Variants in NPLOC4 observed in about 807,000 individuals in gnomAD.
NPLOC4 encodes NPL4 homolog, ubiquitin recognition factor.
Under a neutral mutation model 80.6 loss-of-function variants are expected in NPLOC4, and 18 were observed. The observed-to-expected ratio is 0.22, with a 90% CI of 0.15 to 0.33. NPLOC4 has a LOEUF of 0.33. Ranked by LOEUF, NPLOC4 falls within the 10% of genes least tolerant of loss-of-function variation. NPLOC4 has a pLI of 1.00. For synonymous variants in NPLOC4, 313 were observed against 301.5 expected, an observed-to-expected ratio of 1.04 and a Z score of -0.39; for missense variants, 540 against 786.1, an observed-to-expected ratio of 0.69 and a Z score of 3.74.
chr17:81,623,662 G>A (rs1207167329), intron 2 of NPLOC4, among the ~76,000 whole-genome samples: 1 of 151,806 alleles, frequency 6.6e-6, no homozygotes, highest in Non-Finnish European at 1.5e-5. Flanking sequence ...GCCGGGCGTG[G>A]TGGTGGGCGC....
chr17:81,631,092 G>A (rs1205833473), intron 1 of NPLOC4, among the ~76,000 whole-genome samples: 2 of 151,688 alleles, frequency 1.3e-5, no homozygotes, highest in Non-Finnish European at 2.9e-5. Context: ...AGAATCGCTT[G>A]AACCCAGGAG....
rs1249141930 is a variant in NPLOC4 at position 81,619,333 on chromosome 17, C to T, written c.209+2833G>A. Among the ~76,000 whole-genome samples the T allele has an allele frequency of 5.3e-5, 8 of 150,914 alleles. No homozygotes were observed. In the South Asian group the frequency reaches 1.0e-3, roughly 20 times the overall value. ...TGGAGCTTGCAGTGAGCTGAAATCG[C>T]GCCACTGGACTCTAGCCTGGGCAAC... On this transcript the variant is annotated intron_variant, in intron 3 of 16. Coordinates refer to ENST00000331134, the MANE Select transcript of NPLOC4 (RefSeq NM_017921.4).
At chr17:81,587,875 CCGTGTTAG>C (rs1304833366) in intron 12 of NPLOC4, among the ~76,000 whole-genome samples, 1 of 151,346 alleles carries the variant, frequency 6.6e-6, no homozygotes, top group African/African-American at 2.4e-5. Context: ...CGGGGTTTCA[CCGTGTTAG>C]CCAAGATGGT....
At chr17:81,609,934 A>T (rs2035299415) in intron 5 of NPLOC4, among the ~76,000 whole-genome samples, 1 of 152,198 alleles carries the variant, frequency 6.6e-6, no homozygotes, top group African/African-American at 2.4e-5. Flanking sequence ...TCGGAAAAGG[A>T]TTGTCCAGGG....
Position 81,559,140 on chromosome 17 carries a change from C to T in NPLOC4, c.*119G>A, listed in dbSNP as rs2033757408. 3.4e-6 allele frequency: 4 copies of T among 1,182,380 alleles called. No homozygotes were observed. Among genetic ancestry groups the T allele is most frequent in the Non-Finnish European group, 3.5e-6 (3 of 867,234 alleles). 73.2% of individuals were successfully genotyped at this position (1,182,380 alleles called of 1,614,324 possible). On this transcript the variant is annotated 3_prime_UTR_variant, in exon 17 of 17. Transcript: ENST00000331134. Reference sequence around the variant, plus strand: ...GGGTCAGGGAGCCCAGGACAGCCAGCCCCTTGTTCCTCCAGGGCTGCCCAC... The same window carrying T: ...GGGTCAGGGAGCCCAGGACAGCCAGTCCCTTGTTCCTCCAGGGCTGCCCAC...
chr17:81,565,488 G>C lies in NPLOC4; in HGVS notation c.1669+17C>G, dbSNP rs1403707847. ...CCCCAGCCACGGGGTGCCGGGGCAGGGGGTGGGGGTACTCACTGCACAGCT... is the reference window on the plus strand; with the variant it reads ...CCCCAGCCACGGGGTGCCGGGGCAGCGGGTGGGGGTACTCACTGCACAGCT... On this transcript the variant is annotated intron_variant, in intron 16 of 16. Coordinates refer to ENST00000331134, the MANE Select transcript of NPLOC4 (RefSeq NM_017921.4). 3 of 1,534,830 alleles carry C rather than the reference G, an allele frequency of 2.0e-6. No individual in the cohort carries two copies. The highest frequency in any genetic ancestry group is 1.4e-5 in the African/African-American group (1 of 72,840).
chr17:81,614,353 A>C (rs138956659), intron 3 of NPLOC4: 156 of 151,674 alleles, frequency 1.0e-3, no homozygotes, highest in African/African-American at 3.3e-3. Context: ...AAATCCTCCA[A>C]ATATAAGGAG....
chr17:81,567,559 T>C lies in NPLOC4; in HGVS notation c.1450-26A>G. ...CTAGAGGAATGGGAATAAACATGAA[T>C]GTTCCATACAGTTCCCCAGTGCCAG... On this transcript the variant is annotated intron_variant, in intron 14 of 16. Transcript: ENST00000331134. This position sits in a 1 kb window ranked among gnomAD's most constrained non-coding sequence, Gnocchi z 4.5. 5 of 1,421,542 alleles carry C rather than the reference T, an allele frequency of 3.5e-6. No homozygotes were observed. Among genetic ancestry groups the C allele is most frequent in the South Asian group, 2.4e-5 (2 of 84,610 alleles). 88.1% of individuals were successfully genotyped at this position (1,421,542 alleles called of 1,614,324 possible).
chr17:81,579,957 C>A (rs1413713082), intron 12 of NPLOC4, among the ~76,000 whole-genome samples: 1 of 152,098 alleles, frequency 6.6e-6, no homozygotes, highest in Non-Finnish European at 1.5e-5. Flanking sequence ...CTCAGCCAGG[C>A]TCATCAAAGC....
chr17:81,613,928 G>A (rs915002998), intron 3 of NPLOC4, among the ~76,000 whole-genome samples: 3 of 151,762 alleles, frequency 2.0e-5, no homozygotes, highest in African/African-American at 2.4e-5. Flanking sequence ...CTGCTTTCTC[G>A]GCGTTCACAT....
In NPLOC4 at chr17:81,557,605, C is replaced by A. The variant is rs571436077; in HGVS notation, c.*1654G>T. ...AGGAAGCCTTGGCCACCTAGGCTCA[C>A]AGCTCATCTCAGGACCAGAGGAGAC... is the stretch of plus-strand genomic sequence containing the variant. On this transcript the variant is annotated 3_prime_UTR_variant, in exon 17 of 17. Transcript: ENST00000331134. 1.3e-5 allele frequency: 2 copies of A among 152,450 alleles called. No individual in the cohort carries two copies. The highest frequency in any genetic ancestry group is 1.9e-4 in the East Asian group (1 of 5,190). The allele number at this position is 152,450 out of a possible 1,614,324, so 9.4% of individuals were successfully genotyped here. A position where few individuals can be genotyped will look rare whatever the true frequency, so the allele number is the denominator to read the frequency against.
intron 8 of NPLOC4, among the ~76,000 whole-genome samples, chr17:81,600,683 G>T (rs956739131): frequency 6.6e-6 from 1 of 152,188 alleles, no homozygotes; most frequent in Non-Finnish European, 1.5e-5. Flanking sequence ...GCACAGCTCT[G>T]CATCAGGAGC....
Position 81,636,965 on chromosome 17 carries a change from G to C in NPLOC4, c.-35C>G. 1 of 1,252,012 alleles carries C rather than the reference G, an allele frequency of 8.0e-7. No individual in the cohort carries two copies. The highest frequency in any genetic ancestry group is 3.0e-4 in the Middle Eastern group (1 of 3,288). The allele number at this position is 1,252,012 out of a possible 1,614,324, so 77.6% of individuals were successfully genotyped here. A position where few individuals can be genotyped will look rare whatever the true frequency, so the allele number is the denominator to read the frequency against. On this transcript the variant is annotated 5_prime_UTR_variant, in exon 1 of 17. Coordinates refer to ENST00000331134, the MANE Select transcript of NPLOC4 (RefSeq NM_017921.4). The stretch of plus-strand genomic sequence containing the variant: ...TCCTGCCTCCGGGCTCGAGCCCCGG[G>C]CCGCCGCCGCCTGCCGCCCCAAGGG...
chr17:81,578,832 G>A (rs1197605846), intron 12 of NPLOC4, among the ~76,000 whole-genome samples: 2 of 152,178 alleles, frequency 1.3e-5, no homozygotes, highest in Non-Finnish European at 2.9e-5. Flanking sequence ...ATCACAAAGG[G>A]TGCTAGGGGG....
At chr17:81,595,534 A>ATATATTTT in intron 11 of NPLOC4, among the ~76,000 whole-genome samples, 1 of 139,678 alleles carries the variant, frequency 7.2e-6, no homozygotes. Flanking sequence ...ATATATATAT[A>ATATATTTT]TTTTTTTTTT....
intron 1 of NPLOC4, among the ~76,000 whole-genome samples, chr17:81,633,127 CA>C (rs57190405): frequency 7.4e-4 from 78 of 105,844 alleles, no homozygotes; most frequent in Non-Finnish European, 7.2e-4. Flanking sequence ...GACTCCGTCT[CA>C]AAAAAAAAAA....
intron 4 of NPLOC4, among the ~76,000 whole-genome samples, chr17:81,611,142 A>G (rs950776393): frequency 9.9e-5 from 15 of 151,886 alleles, no homozygotes; most frequent in African/African-American, 3.4e-4. Context: ...CAACATGGTG[A>G]AACCCCATCT....
chr17:81,578,653 G>A (rs947360907), intron 12 of NPLOC4, among the ~76,000 whole-genome samples: 4 of 152,168 alleles, frequency 2.6e-5, no homozygotes, highest in African/African-American at 7.2e-5. Flanking sequence ...AGCAAAGGGG[G>A]AAGAGCCCCT....
chr17:81,589,931 C>T (rs976023590), intron 11 of NPLOC4, among the ~76,000 whole-genome samples: 3 of 151,958 alleles, frequency 2.0e-5, no homozygotes, highest in East Asian at 3.8e-4. Context: ...CACTTGGGCT[C>T]CTGGTTCATA....
Sources: gnomAD v4.1 joint callset for allele counts (sites outside exome capture counted in the v4.1 genomes callset) on GRCh38, gnomAD v4.1.1 for gene constraint, Gnocchi (gnomAD v3.1) non-coding constraint, MANE v1.5 for transcripts, NCBI Gene and HGNC (gene_info 2026-07-23, HGNC 2026-07-21) for gene names.